The following KCNH7 variants were observed in gnomAD, a reference collection of about 807,000 sequenced individuals.
KCNH7 encodes the protein potassium voltage-gated channel subfamily H member 7, also known as voltage-gated inwardly rectifying potassium channel KCNH7.
A neutral mutation model predicts 120.8 loss-of-function variants in KCNH7; 49 were observed. The ratio of observed to expected loss-of-function variants is 0.41; its 90% CI spans 0.32 to 0.51. The LOEUF is 0.51. Ranked by LOEUF, KCNH7 falls within the 20% of genes least tolerant of loss-of-function variation. The probability of loss-of-function intolerance (pLI) is 0.38; values close to 1 mark genes in which losing one functional copy is unlikely to be tolerated. For missense variants in KCNH7, 1,097 were observed against 1,446.6 expected (o/e 0.76, Z 3.92); for synonymous variants, 547 against 516.1 (o/e 1.06, Z -0.81).
intron 2 of KCNH7, 135 bp from the exon 3 acceptor site, chr2:162,537,215 T>G: frequency 9.1e-6 from 6 of 657,858 alleles, no homozygotes; most frequent in East Asian, 8.3e-5. Context: ...TAATTTGATC[T>G]TTTTTACTTC....
chr2:162,402,360 A>C (rs1240541164), intron 9 of KCNH7, among the ~76,000 whole-genome samples: 1 of 147,342 alleles, frequency 6.8e-6, no homozygotes, highest in Non-Finnish European at 1.5e-5. Context: ...CTAAATTTGG[A>C]CACAGCATTC....
chr2:162,579,991 G>A (rs1432290413), intron 2 of KCNH7, among the ~76,000 whole-genome samples: 2 of 151,996 alleles, frequency 1.3e-5, no homozygotes, highest in Non-Finnish European at 2.9e-5. Flanking sequence ...CTGAATAGCT[G>A]TTGCTAGTTC....
chr2:162,467,402 G>A (rs1388770124), intron 6 of KCNH7, among the ~76,000 whole-genome samples: 1 of 152,190 alleles, frequency 6.6e-6, no homozygotes, highest in Non-Finnish European at 1.5e-5. Context: ...GCCTTGCACG[G>A]CCTCACAGAA....
chr2:162,586,803 T>C (rs937328217), intron 2 of KCNH7, among the ~76,000 whole-genome samples: 4 of 151,966 alleles, frequency 2.6e-5, no homozygotes, highest in African/African-American at 4.8e-5. Flanking sequence ...ATTTTCACCA[T>C]GCCATAAAAC....
At chr2:162,836,426 G>A in intron 2 of KCNH7, 111 bp downstream of exon 2, 1 of 769,366 alleles carries the variant, frequency 1.3e-6, no homozygotes, top group Non-Finnish European at 2.1e-6. Context: ...TATATGCAAA[G>A]CATATATCTA....
chr2:162,721,028 G>A (rs776432069), intron 2 of KCNH7, among the ~76,000 whole-genome samples: 8 of 152,046 alleles, frequency 5.3e-5, no homozygotes, highest in African/African-American at 1.9e-4. Context: ...CTGAGGTATA[G>A]ATACTAACGC....
intron 2 of KCNH7, among the ~76,000 whole-genome samples, chr2:162,744,603 C>T (rs1322344059): frequency 7.1e-6 from 1 of 141,348 alleles, no homozygotes; most frequent in East Asian, 2.0e-4. Context: ...TACGGAGTCT[C>T]GCTCTGTCGC....
chr2:162,725,868 A>G (rs1403316064), intron 2 of KCNH7, among the ~76,000 whole-genome samples: 1 of 152,122 alleles, frequency 6.6e-6, no homozygotes, highest in Non-Finnish European at 1.5e-5. Flanking sequence ...TACATCCCCC[A>G]TGCTTCAGAT....
intron 2 of KCNH7, among the ~76,000 whole-genome samples, chr2:162,729,716 G>C (rs1687656313): frequency 6.6e-6 from 1 of 152,110 alleles, no homozygotes; most frequent in Non-Finnish European, 1.5e-5. Flanking sequence ...ATTTTGGGGG[G>C]AAGTATTCAG....
rs200602461 is a variant in KCNH7 at position 162,406,747 on chromosome 2, A to T, written c.2155-6306T>A. Among the ~76,000 whole-genome samples the T allele has an allele frequency of 4.6e-5, 7 of 152,142 alleles. No homozygotes were observed. In the East Asian group the frequency reaches 1.4e-3, roughly 30 times the overall value. On this transcript the variant is annotated intron_variant, in intron 9 of 15. Coordinates refer to ENST00000332142, the MANE Select transcript of KCNH7 (RefSeq NM_033272.4). ...ATTGTTTTCAATGTAAGCATTCAGC[A>T]TCTAAAAAATCTTTAGCACTTGTAA...
At chr2:162,754,625 C>T (rs944198092) in intron 2 of KCNH7, among the ~76,000 whole-genome samples, 1 of 151,978 alleles carries the variant, frequency 6.6e-6, no homozygotes, top group Non-Finnish European at 1.5e-5. Flanking sequence ...ACCATAGGAG[C>T]AAGTCCAGGA....
chr2:162,474,678 T>C (rs1003577383), intron 6 of KCNH7, among the ~76,000 whole-genome samples: 1 of 152,254 alleles, frequency 6.6e-6, no homozygotes, highest in Non-Finnish European at 1.5e-5. Context: ...TCTTAGGCTG[T>C]TGCTCTGGAG....
rs574548177 is a variant in KCNH7 at position 162,701,998 on chromosome 2, C to T, written c.307+134539G>A. ...CTCCAGCCTGGGTGACAGAGTGAGA[C>T]GCCATCTCAAAAAAAAAAAAGAAAA... is the stretch of plus-strand genomic sequence containing the variant. On this transcript the variant is annotated intron_variant, in intron 2 of 15. Transcript: ENST00000332142. 7.8e-4 allele frequency among the ~76,000 whole-genome samples: 109 copies of T among 139,206 alleles called. 1 individual carries two copies. The highest frequency in any genetic ancestry group is 1.2e-3 in the Non-Finnish European group (84 of 67,272). 91.3% of individuals were successfully genotyped at this position (139,206 alleles called of 152,430 possible).
intron 2 of KCNH7, among the ~76,000 whole-genome samples, chr2:162,695,583 T>G (rs1686263044): frequency 6.6e-6 from 1 of 152,146 alleles, no homozygotes; most frequent in Non-Finnish European, 1.5e-5. Context: ...TCCCAAAATG[T>G]TCTAGAAGTT....
At chr2:162,606,195 C>A (rs961977617) in intron 2 of KCNH7, among the ~76,000 whole-genome samples, 1 of 151,948 alleles carries the variant, frequency 6.6e-6, no homozygotes, top group African/African-American at 2.4e-5. Flanking sequence ...ATTTCTGTGG[C>A]CCATGAATTT....
intron 9 of KCNH7, among the ~76,000 whole-genome samples, chr2:162,422,535 T>C (rs1195814198): frequency 6.6e-6 from 1 of 152,152 alleles, no homozygotes; most frequent in African/African-American, 2.4e-5. Flanking sequence ...ATTTGTTGTA[T>C]AATTTATTTA....
At chr2:162,417,406 GT>G (rs931024116) in intron 9 of KCNH7, among the ~76,000 whole-genome samples, 2 of 152,178 alleles carry the variant, frequency 1.3e-5, no homozygotes, top group African/African-American at 4.8e-5. Context: ...CCAGTCCAAA[GT>G]TTTTTGAAAC....
intron 2 of KCNH7, among the ~76,000 whole-genome samples, chr2:162,613,627 CT>C (rs903447127): frequency 2.6e-5 from 4 of 151,284 alleles, no homozygotes; most frequent in South Asian, 2.1e-4. Context: ...ATATTTCAAA[CT>C]TTTTTTTTCT....
intron 2 of KCNH7, among the ~76,000 whole-genome samples, chr2:162,731,229 T>C (rs955670626): frequency 7.3e-6 from 1 of 136,896 alleles, no homozygotes; most frequent in African/African-American, 3.4e-5. Context: ...CATATATATA[T>C]ATATGTGTGT....
Sources: allele counts gnomAD v4.1 joint callset (sites outside exome capture counted in the v4.1 genomes callset), GRCh38; gene constraint gnomAD v4.1.1; transcripts MANE v1.5; gene names NCBI Gene and HGNC (gene_info 2026-07-23, HGNC 2026-07-21).